DISP1: variants seen among roughly 807,000 people sequenced by gnomAD.
The protein encoded by DISP1 is protein dispatched homolog 1.
Under a neutral mutation model 37.3 loss-of-function variants are expected in DISP1, and 30 were observed. That is an observed-to-expected ratio of 0.80 (90% CI 0.60 to 1.09). DISP1 has a LOEUF of 1.09. DISP1 is among the 50% of genes least tolerant of loss of function. DISP1 has a pLI of 0.00. For missense variants in DISP1, 1,598 were observed against 1,879.5 expected (o/e 0.85, Z 2.77); for synonymous variants, 634 against 690.2 (o/e 0.92, Z 1.28).
chr1:222,985,546 A>G (rs1336912519), intron 4 of DISP1, among the ~76,000 whole-genome samples: 1 of 152,108 alleles, frequency 6.6e-6, no homozygotes, highest in African/African-American at 2.4e-5. Flanking sequence ...GCTACTCAGG[A>G]GGCTGAGGCG....
At chr1:222,982,775 G>GAA (rs1056357620) in intron 3 of DISP1, among the ~76,000 whole-genome samples, 2 of 152,178 alleles carry the variant, frequency 1.3e-5, no homozygotes, top group Non-Finnish European at 2.9e-5. Flanking sequence ...TCTGGTAGCT[G>GAA]TAGATCTCAG....
intron 2 of DISP1, among the ~76,000 whole-genome samples, chr1:222,937,233 G>A (rs1246030094): frequency 6.6e-6 from 1 of 150,668 alleles, no homozygotes; most frequent in Admixed American, 6.7e-5. Flanking sequence ...CGGACTACAG[G>A]CACCCGCCAC....
At chr1:222,925,800 TG>T (rs1429540800) in intron 1 of DISP1, among the ~76,000 whole-genome samples, 2 of 152,172 alleles carry the variant, frequency 1.3e-5, no homozygotes, top group Admixed American at 1.3e-4. Context: ...ATCAGAATTC[TG>T]GGGGATGGGA....
chr1:222,924,011 G>A (rs755153749), intron 1 of DISP1, among the ~76,000 whole-genome samples: 12 of 152,228 alleles, frequency 7.9e-5, no homozygotes, highest in Middle Eastern at 3.4e-3. Context: ...TGGAAGACCG[G>A]CAAGGCCATA....
At position 222,823,446 on chromosome 1, in the gene DISP1, C is replaced by T. The variant is rs143961827; in HGVS notation, c.-159+8368C>T. Among the ~76,000 whole-genome samples the T allele has an allele frequency of 5.3e-5, 8 of 152,272 alleles. No individual in the cohort carries two copies. The East Asian group carries it at 1.5e-3, about 29-fold the overall frequency. ...AAATAACTTAGAAAGTCAAATACTA[C>T]ATGTTCTCACTTATAAGTGCTAAAT... On this transcript the variant is annotated intron_variant, in intron 1 of 8. Coordinates refer to ENST00000675850, the MANE Select transcript of DISP1 (RefSeq NM_001377229.1).
chr1:222,901,562 C>T (rs1318752592), intron 1 of DISP1, among the ~76,000 whole-genome samples: 2 of 152,118 alleles, frequency 1.3e-5, no homozygotes, highest in Non-Finnish European at 2.9e-5. Flanking sequence ...CTCACTCACT[C>T]TGTCACCTGG....
intron 3 of DISP1, among the ~76,000 whole-genome samples, chr1:222,966,473 A>G (rs1297649658): frequency 6.6e-6 from 1 of 152,250 alleles, no homozygotes; most frequent in Non-Finnish European, 1.5e-5. Flanking sequence ...GGAGTCACTC[A>G]TTAATAGGAT....
At position 222,991,529 on chromosome 1, in the gene DISP1, C is replaced by G. The variant is rs1451766512; in HGVS notation, c.673C>G (p.Pro225Ala). ...DFSDPLLGFE[P>A]RGTAIGQRLV... The stretch of plus-strand genomic sequence containing the variant: ...TGTAATTTTGCCTTAGGGTTTTGAA[C>G]CAAGAGGAACAGCAATAGGCCAGAG... The change falls in exon 6 of 9, where the codon CCA becomes GCA. Residue 225 changes from proline to alanine, a missense_variant. Coordinates refer to ENST00000675850, the MANE Select transcript of DISP1 (RefSeq NM_001377229.1). The G allele has an allele frequency of 6.2e-7, 1 of 1,613,610 alleles. No individual in the cohort carries two copies. The highest frequency in any genetic ancestry group is 1.1e-5 in the South Asian group (1 of 91,082).
intron 1 of DISP1, among the ~76,000 whole-genome samples, chr1:222,818,646 T>C (rs1661869688): frequency 6.6e-6 from 1 of 152,156 alleles, no homozygotes; most frequent in African/African-American, 2.4e-5. Context: ...GATTCTGTAG[T>C]TTTGAGGCAG....
chr1:222,887,847 A>C (rs1471156840), intron 1 of DISP1, among the ~76,000 whole-genome samples: 1 of 152,196 alleles, frequency 6.6e-6, no homozygotes. Flanking sequence ...GTCTTTGAGA[A>C]TGGAAACAGA....
chr1:222,816,970 C>G (rs1661404439), intron 1 of DISP1, among the ~76,000 whole-genome samples: 1 of 152,340 alleles, frequency 6.6e-6, no homozygotes, highest in Admixed American at 6.5e-5. Flanking sequence ...CTTGAGAAAG[C>G]ATGCAAGTCT....
At chr1:222,910,753 G>A (rs963386426) in intron 1 of DISP1, among the ~76,000 whole-genome samples, 1 of 152,184 alleles carries the variant, frequency 6.6e-6, no homozygotes, top group African/African-American at 2.4e-5. Context: ...CAGAGAAAAG[G>A]AAATTTAGGT....
At chr1:222,913,089 T>C (rs917701305) in intron 1 of DISP1, among the ~76,000 whole-genome samples, 1 of 152,176 alleles carries the variant, frequency 6.6e-6, no homozygotes, top group Non-Finnish European at 1.5e-5. Flanking sequence ...AGTTTTGGAA[T>C]ATAGTAAAAA....
chr1:223,004,034 C>G lies in DISP1; in HGVS notation c.2637C>G (p.Phe879Leu), dbSNP rs1679685877. ...ALYPCCSHWS[F>L]PYKQEIFELC... is the part of the protein sequence containing the mutation. The stretch of plus-strand genomic sequence containing the variant: ...ACCCATGCTGCAGCCACTGGAGCTT[C>G]CCCTACAAGCAAGAGATTTTTGAAC... Residue 879 changes from phenylalanine to leucine, a missense_variant, in exon 9 of 9, where the codon TTC becomes TTG. Physicochemically the swap from Phe to Leu is conservative, Grantham distance 22. Transcript: ENST00000675850. This position sits in a 1 kb window ranked among gnomAD's most constrained non-coding sequence, Gnocchi z 4.9. The G allele has an allele frequency of 6.2e-7, 1 of 1,613,996 alleles. No homozygotes were observed. The highest frequency in any genetic ancestry group is 1.7e-5 in the Admixed American group (1 of 59,996).
intron 1 of DISP1, chr1:222,899,983 A>C (rs1393339916): frequency 6.6e-6 from 1 of 152,218 alleles, no homozygotes; most frequent in Non-Finnish European, 1.5e-5. Context: ...TAGCAACCCC[A>C]AAATGCTTCT....
chr1:222,839,478 C>G (rs1667459264), intron 1 of DISP1, among the ~76,000 whole-genome samples: 1 of 152,172 alleles, frequency 6.6e-6, no homozygotes, highest in Admixed American at 6.5e-5. Context: ...AGTCTTTCTC[C>G]TGCCTGGGAG....
Position 222,867,178 on chromosome 1 carries a change from A to G in DISP1, c.-159+52100A>G, listed in dbSNP as rs190667179. Reference sequence around the variant, plus strand: ...AGAGATGAAGAAACTTAATCTAGAGACTGAATGGCTTAGGCAGAAGCAGAG... The same window carrying G: ...AGAGATGAAGAAACTTAATCTAGAGGCTGAATGGCTTAGGCAGAAGCAGAG... On this transcript the variant is annotated intron_variant, in intron 1 of 8. Transcript: ENST00000675850. Among the ~76,000 whole-genome samples, 34 of 152,334 alleles carry G rather than the reference A, an allele frequency of 2.2e-4. No homozygotes were observed. In the East Asian group the frequency reaches 6.6e-3, roughly 29 times the overall value.
In DISP1 at chr1:223,005,378, C is replaced by A. The variant is rs763260621; in HGVS notation, c.3981C>A (p.His1327Gln). The A allele has an allele frequency of 6.2e-7, 1 of 1,613,454 alleles. No homozygotes were observed. Among genetic ancestry groups the A allele is most frequent in the African/African-American group, 1.3e-5 (1 of 75,032 alleles). Residue 1327 changes from histidine to glutamine, a missense_variant, in exon 9 of 9, where the codon CAC becomes CAA. His to Gln is a conservative substitution (Grantham distance 24). Transcript: ENST00000675850. Reference sequence around the variant, plus strand: ...ACCAAGCTGTCGAGGGCTTTGTGCACCCCATCACGCACATCCACCACTGTC... The same window carrying A: ...ACCAAGCTGTCGAGGGCTTTGTGCAACCCATCACGCACATCCACCACTGTC... ...ATHQAVEGFVHPITHIHHCPC... is the reference protein window; with the variant it reads ...ATHQAVEGFVQPITHIHHCPC...
chr1:222,846,309 C>T (rs761235828), intron 1 of DISP1, among the ~76,000 whole-genome samples: 16 of 151,974 alleles, frequency 1.1e-4, no homozygotes, highest in Admixed American at 4.6e-4. Context: ...CTGGCCAACA[C>T]GGCAAAACCC....
Sources: allele counts gnomAD v4.1 joint callset (sites outside exome capture counted in the v4.1 genomes callset), GRCh38; gene constraint gnomAD v4.1.1; non-coding constraint Gnocchi (gnomAD v3.1); transcripts MANE v1.5; gene names NCBI Gene and HGNC (gene_info 2026-07-23, HGNC 2026-07-21).